CACNB2: variants seen among roughly 807,000 people sequenced by gnomAD.
CACNB2 encodes the protein calcium voltage-gated channel auxiliary subunit beta 2.
In CACNB2, 42 loss-of-function variants were observed where a neutral mutation model predicts 73.3. The observed-to-expected ratio is 0.57, with a 90% confidence interval of 0.45 to 0.74. The LOEUF is 0.74. CACNB2 is among the 30% of genes least tolerant of loss of function. The probability of loss-of-function intolerance (pLI) is 0.00; values close to 1 mark genes in which losing one functional copy is unlikely to be tolerated. For synonymous variants in CACNB2, 348 were observed against 310.3 expected (o/e 1.12, Z -1.28); for missense variants, 940 against 853.0 (o/e 1.10, Z -1.27).
chr10:18,301,459 G>A (rs2039506718), intron 2 of CACNB2, among the ~76,000 whole-genome samples: 1 of 151,870 alleles, frequency 6.6e-6, no homozygotes, highest in Non-Finnish European at 1.5e-5. Context: ...GCGGGACATG[G>A]TGGCACATGC....
At chr10:18,371,317 T>C (rs1589163293) in intron 2 of CACNB2, among the ~76,000 whole-genome samples, 1 of 152,294 alleles carries the variant, frequency 6.6e-6, no homozygotes, top group Middle Eastern at 3.4e-3. Context: ...TAACTTGTCA[T>C]TTAACATTAG....
intron 2 of CACNB2, among the ~76,000 whole-genome samples, chr10:18,391,201 TA>T (rs1337457976): frequency 7.9e-5 from 12 of 152,356 alleles, no homozygotes; most frequent in African/African-American, 2.6e-4. Flanking sequence ...AGGTTTGTGA[TA>T]AAACACTGGG....
chr10:18,276,863 G>A (rs911429944), intron 2 of CACNB2, among the ~76,000 whole-genome samples: 1 of 152,218 alleles, frequency 6.6e-6, no homozygotes, highest in Admixed American at 6.5e-5. Context: ...AAAGGCGTGA[G>A]CCACCACACC....
intron 3 of CACNB2, among the ~76,000 whole-genome samples, chr10:18,481,081 G>T (rs2048696900): frequency 6.6e-6 from 1 of 150,530 alleles, no homozygotes; most frequent in Non-Finnish European, 1.5e-5. Flanking sequence ...CAGGTGGTGT[G>T]CTGTGAGGCT....
chr10:18,304,336 T>C (rs1461415754), intron 2 of CACNB2, among the ~76,000 whole-genome samples: 6 of 152,210 alleles, frequency 3.9e-5, no homozygotes. Flanking sequence ...TGGGCAAGTA[T>C]ATTATCTCAA....
intron 2 of CACNB2, among the ~76,000 whole-genome samples, chr10:18,157,151 G>A (rs2032114973): frequency 6.6e-6 from 1 of 151,744 alleles, no homozygotes; most frequent in South Asian, 2.1e-4. Context: ...TTACCTAGGT[G>A]CAATACATGA....
At chr10:18,405,898 C>G (rs897319429) in intron 3 of CACNB2, among the ~76,000 whole-genome samples, 1 of 152,110 alleles carries the variant, frequency 6.6e-6, no homozygotes, top group Admixed American at 6.6e-5. Context: ...GGAAAGGTTG[C>G]AGTGAGCTGA....
intron 2 of CACNB2, among the ~76,000 whole-genome samples, chr10:18,386,399 ATTTTT>A (rs10637329): frequency 1.9e-5 from 2 of 106,518 alleles, no homozygotes; most frequent in South Asian, 3.2e-4. Context: ...TTTATTTATG[ATTTTT>A]TTTTTTTTTT....
At chr10:18,333,434 G>A (rs2040879763) in intron 2 of CACNB2, among the ~76,000 whole-genome samples, 1 of 143,114 alleles carries the variant, frequency 7.0e-6, no homozygotes, top group African/African-American at 2.7e-5. Context: ...TGGAAATTTT[G>A]TTAATGTTAA....
At position 18,220,227 on chromosome 10, in the gene CACNB2, A is replaced by ATC. The variant is rs2035714310; in HGVS notation, c.213+69253_213+69254insCT. Among the ~76,000 whole-genome samples the ATC allele has an allele frequency of 1.4e-4, 7 of 51,720 alleles. 3 individuals carry two copies. The highest frequency in any genetic ancestry group is 1.2e-3 in the African/African-American group (7 of 5,874). The allele number at this position is 51,720 out of a possible 152,430, so 33.9% of individuals were successfully genotyped here. A position where few individuals can be genotyped will look rare whatever the true frequency, so the allele number is the denominator to read the frequency against. On this transcript the variant is annotated intron_variant, in intron 2 of 13. Coordinates refer to ENST00000324631, the MANE Select transcript of CACNB2 (RefSeq NM_201596.3). ...TATATATATATATATATATATATAT[A>ATC]TATATAGAGAGAGAGAGAGAGAGAG...
At chr10:18,363,564 C>T (rs1242930057) in intron 2 of CACNB2, among the ~76,000 whole-genome samples, 1 of 152,126 alleles carries the variant, frequency 6.6e-6, no homozygotes, top group Non-Finnish European at 1.5e-5. Flanking sequence ...CTACCAGTAC[C>T]TTCCATTCCC....
At chr10:18,168,051 T>C (rs1564311445) in intron 2 of CACNB2, among the ~76,000 whole-genome samples, 1 of 150,448 alleles carries the variant, frequency 6.6e-6, no homozygotes, top group Non-Finnish European at 1.5e-5. Flanking sequence ...ATGCAGACAT[T>C]CTATATTCCC....
At chr10:18,433,166 G>A in intron 3 of CACNB2, among the ~76,000 whole-genome samples, 1 of 151,826 alleles carries the variant, frequency 6.6e-6, no homozygotes, top group Non-Finnish European at 1.5e-5. Flanking sequence ...TTAAGTACAA[G>A]GCAGTATGCC....
At chr10:18,370,829 G>A (rs542351880) in intron 2 of CACNB2, among the ~76,000 whole-genome samples, 31 of 152,106 alleles carry the variant, frequency 2.0e-4, no homozygotes, top group Non-Finnish European at 2.4e-4. Context: ...ACACATACAC[G>A]CAGGCACATA....
At chr10:18,154,063 T>C (rs2031831225) in intron 2 of CACNB2, among the ~76,000 whole-genome samples, 1 of 151,954 alleles carries the variant, frequency 6.6e-6, no homozygotes, top group South Asian at 2.1e-4. Flanking sequence ...TTAAAATATC[T>C]TGCAGTTAGA....
intron 6 of CACNB2, among the ~76,000 whole-genome samples, chr10:18,511,403 C>T (rs1410137476): frequency 6.6e-6 from 1 of 152,144 alleles, no homozygotes; most frequent in Non-Finnish European, 1.5e-5. Context: ...ATTTAATATT[C>T]ATAACAACTT....
rs1051524162 is a variant in CACNB2, at chr10:18,408,247, T to G, written c.333+6204T>G. On this transcript the variant is annotated intron_variant, in intron 3 of 13. Transcript: ENST00000324631. ...TATCCCTGACTTTTTTTTTTTTTTT[T>G]TTTTTTTTTGAGATGGAGTCTTGTT... Among the ~76,000 whole-genome samples, 4 of 144,866 alleles carry G rather than the reference T, an allele frequency of 2.8e-5. No individual in the cohort carries two copies. The Admixed American group carries it at 2.8e-4, about 10-fold the overall frequency.
At chr10:18,235,725 C>T (rs993844870) in intron 2 of CACNB2, among the ~76,000 whole-genome samples, 1 of 152,078 alleles carries the variant, frequency 6.6e-6, no homozygotes, top group Non-Finnish European at 1.5e-5. Context: ...TGCCCTAGAG[C>T]TTTGACTGTA....
At chr10:18,308,360 G>C (rs2039826437) in intron 2 of CACNB2, among the ~76,000 whole-genome samples, 1 of 152,076 alleles carries the variant, frequency 6.6e-6, no homozygotes. Flanking sequence ...GCTGTATAGG[G>C]AAGGATTGCT....
Sources: allele counts gnomAD v4.1 joint callset (sites outside exome capture counted in the v4.1 genomes callset), GRCh38; gene constraint gnomAD v4.1.1; transcripts MANE v1.5; gene names NCBI Gene and HGNC (gene_info 2026-07-23, HGNC 2026-07-21).